Variants in MYO15A observed in about 807,000 individuals in gnomAD.
MYO15A encodes the protein unconventional myosin-XV.
A neutral mutation model predicts 394.6 loss-of-function variants in MYO15A; 308 were observed. The observed-to-expected ratio is 0.78, with a 90% CI of 0.71 to 0.86. The LOEUF (loss-of-function observed/expected upper bound fraction) is 0.86, where lower values mean the gene tolerates loss of function less well. Among genes scored for constraint, MYO15A ranks in the 40% least tolerant of loss-of-function variants. MYO15A has a pLI of 0.00. For synonymous variants in MYO15A, 1,957 were observed against 2,003.8 expected, an observed-to-expected ratio of 0.98 and a Z score of 0.62; for missense variants, 4,606 against 4,799.1, an observed-to-expected ratio of 0.96 and a Z score of 1.19.
Position 18,166,445 on chromosome 17 carries a change from T to A in MYO15A, c.9872T>A (p.Leu3291His), listed in dbSNP as rs1368619824. The A allele has an allele frequency of 4.3e-6, 7 of 1,613,990 alleles. No homozygotes were observed. The highest frequency in any genetic ancestry group is 1.7e-6 in the Non-Finnish European group (2 of 1,180,034). Residue 3291 changes from leucine to histidine, a missense_variant, in exon 61 of 66, where the codon CTC (leucine) becomes CAC (histidine). Physicochemically the swap from Leu to His is moderately conservative, Grantham distance 99 (BLOSUM62 -3). Coordinates refer to ENST00000647165, the MANE Select transcript of MYO15A (RefSeq NM_016239.4). ...GAGCAGGTGGACGGCGGCTACATGC[T>A]CTGGTTCCGGCGTGTGCTCTGGGAT... is the stretch of plus-strand genomic sequence containing the variant. The part of the protein sequence containing the change: ...EMEQVDGGYM[L>H]WFRRVLWDQP...
Position 18,122,160 on chromosome 17 carries a change from T to G in MYO15A, c.3360T>G (p.Arg1120=). The G allele has an allele frequency of 6.2e-7, 1 of 1,613,062 alleles. No individual in the cohort carries two copies. The highest frequency in any genetic ancestry group is 8.5e-7 in the Non-Finnish European group (1 of 1,180,002). ...APGRFAVVMP[R]VQKLSSFQRV... ...GGCGTTTTGCTGTGGTCATGCCTCG[T>G]GTGCAGAAGCTGAGCTCTTTCCAGC... The change falls in exon 2 of 66, where the codon CGT becomes CGG. Residue 1120 remains arginine, a synonymous_variant. Coordinates refer to ENST00000647165, the MANE Select transcript of MYO15A (RefSeq NM_016239.4).
chr17:18,122,043 G>C lies in MYO15A; in HGVS notation c.3243G>C (p.Trp1081Cys). ...TRATWPPWHRWGTLPQAAAPL... is the reference protein window; with the variant it reads ...TRATWPPWHRCGTLPQAAAPL... ...CCACATGGCCACCATGGCACCGCTG[G>C]GGAACACTGCCCCAAGCCGCAGCCC... The change falls in exon 2 of 66, where the codon TGG becomes TGC. Residue 1081 changes from tryptophan (W) to cysteine (C), a missense_variant. Transcript: ENST00000647165. 6.2e-7 allele frequency: 1 copy of C among 1,613,012 alleles called. No individual in the cohort carries two copies.
chr17:18,137,489 G>C lies in MYO15A; in HGVS notation c.4780-95G>C, dbSNP rs921482686. 3.8e-6 allele frequency: 4 copies of C among 1,045,430 alleles called. No individual in the cohort carries two copies. In the African/African-American group the frequency reaches 6.2e-5, roughly 16 times the overall value. The allele number at this position is 1,045,430 out of a possible 1,614,324, so 64.8% of individuals were successfully genotyped here. On this transcript the variant is annotated intron_variant, in intron 15 of 65. Coordinates refer to ENST00000647165, the MANE Select transcript of MYO15A (RefSeq NM_016239.4). ...TTGTGAGCTGAGGGCCTGTGGCTGA[G>C]CTCCAGCTTTTTGAAGTTGCCACCA...
At chr17:18,141,847 A>G (rs2046388635) in intron 23 of MYO15A, 77 bp downstream of exon 23, 5 of 1,494,236 alleles carry the variant, frequency 3.3e-6, no homozygotes, top group Non-Finnish European at 4.7e-6. Context: ...AGAAATGTCC[A>G]AGCTAGAGAC....
intron 11 of MYO15A, 49 bp from the exon 12 acceptor site, chr17:18,133,175 TC>T: frequency 1.9e-6 from 3 of 1,600,366 alleles, no homozygotes; most frequent in Middle Eastern, 1.7e-4. Context: ...CCTGGAGGGC[TC>T]CCCAGCCCCA....
chr17:18,175,072 TC>T (rs1268040345), intron 65 of MYO15A, among the ~76,000 whole-genome samples: 1 of 146,076 alleles, frequency 6.8e-6, no homozygotes, highest in Non-Finnish European at 1.5e-5. Flanking sequence ...TGTGGTGTTC[TC>T]CTACCTCTTT....
intron 65 of MYO15A, among the ~76,000 whole-genome samples, chr17:18,174,428 A>G (rs2046985048): frequency 1.3e-5 from 2 of 152,116 alleles, no homozygotes; most frequent in South Asian, 4.1e-4. Flanking sequence ...GAAGTTTGAG[A>G]CCAGGCAACA....
rs1471920249 is a variant in MYO15A at position 18,151,415 on chromosome 17, G to T, written c.7675G>T (p.Val2559Phe). The T allele has an allele frequency of 1.9e-6, 3 of 1,614,172 alleles. No homozygotes were observed. The highest frequency in any genetic ancestry group is 2.2e-5 in the East Asian group (1 of 44,878). The change falls in exon 40 of 66, where the codon GTC (valine) becomes TTC (phenylalanine). Residue 2559 changes from valine (V) to phenylalanine (F), a missense_variant. By Grantham distance (50) the Val-to-Phe change is conservative. Coordinates refer to ENST00000647165, the MANE Select transcript of MYO15A (RefSeq NM_016239.4). ...PETTSPSPEL[V>F]RYSTLNSEHF... ...CACAGCTTCACCCTCCCCAGAGCTGGTCCGGTACTCTACGCTCAACTCTGA... is the reference window on the plus strand; with the variant it reads ...CACAGCTTCACCCTCCCCAGAGCTGTTCCGGTACTCTACGCTCAACTCTGA...
At chr17:18,158,763 G>T in intron 52 of MYO15A, 125 bp downstream of exon 52, 1 of 1,391,502 alleles carries the variant, frequency 7.2e-7, no homozygotes, top group Non-Finnish European at 1.0e-6. Flanking sequence ...GACCACCCAG[G>T]TGTGAGGCTC....
intron 1 of MYO15A, among the ~76,000 whole-genome samples, chr17:18,115,417 G>A (rs568654612): frequency 7.2e-5 from 11 of 152,212 alleles, no homozygotes; most frequent in African/African-American, 1.7e-4. Context: ...TCAGGAGTTC[G>A]AAACCAGCCT....
chr17:18,124,238 G>A (rs1481453236), intron 2 of MYO15A: 2 of 585,606 alleles, frequency 3.4e-6, no homozygotes, highest in Middle Eastern at 4.2e-4. Context: ...CCTAGGGCAG[G>A]ACACTTGGGA....
Position 18,143,476 on chromosome 17 carries a change from G to A in MYO15A, c.5911-90G>A. 4 of 1,448,016 alleles carry A rather than the reference G, an allele frequency of 2.8e-6. No homozygotes were observed. The Admixed American group carries it at 7.9e-5, about 28-fold the overall frequency. The allele number at this position is 1,448,016 out of a possible 1,614,324, so 89.7% of individuals were successfully genotyped here. On this transcript the variant is annotated intron_variant, in intron 25 of 65. Transcript: ENST00000647165. ...CAAGCTGCCCCCCTTGCTTGAGTGT[G>A]GCCGCCTTGCGTAAGCTGGCCTGGC...
Position 18,157,888 on chromosome 17 carries a change from C to A in MYO15A, c.8955C>A (p.Gly2985=). 6.9e-7 allele frequency: 1 copy of A among 1,444,530 alleles called. No individual in the cohort carries two copies. Among genetic ancestry groups the A allele is most frequent in the Non-Finnish European group, 9.2e-7 (1 of 1,092,590 alleles). 89.5% of individuals were successfully genotyped at this position (1,444,530 alleles called of 1,614,324 possible). Residue 2985 remains glycine (G), a synonymous_variant, in exon 51 of 66, where the codon GGC becomes GGA. Transcript: ENST00000647165. ...CTGCAGCCGCTGCACAGGAGGTGGG[C>A]CGCAGGAGAGAGGTGAGACCAGTGT... ...VASAAAAQEV[G]RRREGPPVRA...
rs2046406595 is a variant in MYO15A at position 18,142,840 on chromosome 17, G to T, written c.5910G>T (p.Lys1970Asn). Residue 1970 changes from lysine to asparagine, a missense_variant and splice_region_variant, in exon 25 of 66, where the codon AAG (lysine) becomes AAT (asparagine). Physicochemically the swap from Lys to Asn is moderately conservative, Grantham distance 94. Coordinates refer to ENST00000647165, the MANE Select transcript of MYO15A (RefSeq NM_016239.4). The part of the protein sequence containing the change: ...HAYVSRRRYL[K>N]LRAEWRCQVE... ...ACGTGAGCCGCCGACGCTATCTCAA[G>T]GTATAGGCCCTACCCTATCTGGGTC... 6.2e-7 allele frequency: 1 copy of T among 1,610,266 alleles called. No individual in the cohort carries two copies.
At chr17:18,116,326 G>T (rs1383479138) in intron 1 of MYO15A, among the ~76,000 whole-genome samples, 1 of 152,242 alleles carries the variant, frequency 6.6e-6, no homozygotes, top group Non-Finnish European at 1.5e-5. Context: ...AGTGTCCTAA[G>T]CCACTCTAAA....
rs1027303766 is a variant in MYO15A, at chr17:18,171,808, G to A, written c.10216+37G>A. The A allele has an allele frequency of 3.1e-6, 5 of 1,594,426 alleles. No individual in the cohort carries two copies. The African/African-American group carries it at 6.7e-5, about 21-fold the overall frequency. On this transcript the variant is annotated intron_variant, in intron 63 of 65. Transcript: ENST00000647165. ...AGGGCAGGGGAGGTGATCATAGGGG[G>A]CTTTGCTGAGGAGGGTGGTCATGGA...
intron 1 of MYO15A, among the ~76,000 whole-genome samples, chr17:18,112,407 G>T (rs1025129507): frequency 1.3e-5 from 2 of 151,450 alleles, no homozygotes; most frequent in Non-Finnish European, 2.9e-5. Context: ...TTTTTGGGGG[G>T]TCGTGGGGGA....
At chr17:18,142,321 A>C in intron 24 of MYO15A, 67 bp downstream of exon 24, 2 of 1,550,276 alleles carry the variant, frequency 1.3e-6, no homozygotes, top group Non-Finnish European at 1.8e-6. Context: ...TCACGCCTGA[A>C]CTTAGGTGGT....
chr17:18,114,003 G>A (rs1468092158), intron 1 of MYO15A, among the ~76,000 whole-genome samples: 5 of 152,128 alleles, frequency 3.3e-5, no homozygotes, highest in African/African-American at 1.2e-4. Flanking sequence ...ATGCATTGTG[G>A]TGTACTGCAG....
Sources: gnomAD v4.1 joint callset for allele counts (sites outside exome capture counted in the v4.1 genomes callset) on GRCh38, gnomAD v4.1.1 for gene constraint, MANE v1.5 for transcripts, NCBI Gene and HGNC (gene_info 2026-07-23, HGNC 2026-07-21) for gene names.